Variants in DCAF17 observed in about 807,000 individuals in gnomAD.
DCAF17 encodes DDB1 and CUL4 associated factor 17.
A neutral mutation model predicts 66.0 loss-of-function variants in DCAF17; 48 were observed. That is an observed-to-expected ratio of 0.73 (90% confidence interval 0.58 to 0.92). The LOEUF is 0.92. DCAF17 is among the 40% of genes least tolerant of loss of function. The pLI is 0.00. For missense variants in DCAF17, 562 were observed against 622.8 expected (o/e 0.90, Z 1.04); for synonymous variants, 206 against 214.6 (o/e 0.96, Z 0.35).
rs374256774 is a variant in DCAF17 at position 171,453,230 on chromosome 2, T to C, written c.627+17T>C. The C allele has an allele frequency of 3.2e-6, 5 of 1,540,244 alleles. No homozygotes were observed. Among genetic ancestry groups the C allele is most frequent in the Non-Finnish European group, 4.5e-6 (5 of 1,116,878 alleles). On this transcript the variant is annotated intron_variant, in intron 6 of 13. Transcript: ENST00000375255. Reference sequence around the variant, plus strand: ...AACAAAAAGGTAAGAACTCATTTCTTATTTAATTGCAATATTTTATTGACA... The same window carrying C: ...AACAAAAAGGTAAGAACTCATTTCTCATTTAATTGCAATATTTTATTGACA...
chr2:171,454,345 C>CGCAATCTCTGCCCACT (rs1559270101), intron 6 of DCAF17, among the ~76,000 whole-genome samples: 2 of 150,414 alleles, frequency 1.3e-5, no homozygotes, highest in African/African-American at 4.9e-5. Context: ...AGTGCAGTGG[C>CGCAATCTCTGCCCACT]GCAATCTCTG....
rs376303254 is a variant in DCAF17 at position 171,452,380 on chromosome 2, C to T, written c.538-744C>T. 3.4e-4 allele frequency among the ~76,000 whole-genome samples: 51 copies of T among 152,070 alleles called. 1 individual carries two copies. The East Asian group carries it at 4.7e-3, about 14-fold the overall frequency. ...AAGTAAGGAGGCTATCCTTTTCAAG[C>T]AGAAGAGTCACTCAAGCTTTCATTG... is the stretch of plus-strand genomic sequence containing the variant. On this transcript the variant is annotated intron_variant, in intron 5 of 13. Transcript: ENST00000375255.
chr2:171,484,226 C>G lies in DCAF17; in HGVS notation c.*3112C>G, dbSNP rs17221367. Reference sequence around the variant, plus strand: ...TTCTTACCATGTTTACTTATATCATCCATCTTTTAGAATCCCAGGGAGCTA... The same window carrying G: ...TTCTTACCATGTTTACTTATATCATGCATCTTTTAGAATCCCAGGGAGCTA... On this transcript the variant is annotated 3_prime_UTR_variant, in exon 14 of 14. Coordinates refer to ENST00000375255, the MANE Select transcript of DCAF17 (RefSeq NM_025000.4). The G allele has an allele frequency of 0.22, 97,971 of 449,012 alleles. 11,475 individuals are homozygous for G. The highest frequency in any genetic ancestry group is 0.31 in the Admixed American group (12,945 of 41,252). The allele number at this position is 449,012 out of a possible 1,614,324, so 27.8% of individuals were successfully genotyped here.
chr2:171,459,277 A>T (rs1695441893), intron 8 of DCAF17, among the ~76,000 whole-genome samples: 1 of 152,090 alleles, frequency 6.6e-6, no homozygotes, highest in African/African-American at 2.4e-5. Flanking sequence ...ATGCCATTGC[A>T]CTCCAGCCTG....
chr2:171,460,304 T>A (rs1695504961), intron 8 of DCAF17, among the ~76,000 whole-genome samples: 1 of 145,160 alleles, frequency 6.9e-6, no homozygotes, highest in African/African-American at 2.6e-5. Flanking sequence ...GCCTGGGCGA[T>A]TGAGCGAGAT....
At chr2:171,442,437 A>G (rs763459534) in intron 2 of DCAF17, among the ~76,000 whole-genome samples, 12 of 151,806 alleles carry the variant, frequency 7.9e-5, no homozygotes, top group Non-Finnish European at 1.0e-4. Flanking sequence ...GGTAGCATGC[A>G]CCTGTAATCC....
intron 11 of DCAF17, among the ~76,000 whole-genome samples, chr2:171,477,538 A>G (rs949327942): frequency 6.6e-6 from 1 of 152,154 alleles, no homozygotes; most frequent in Non-Finnish European, 1.5e-5. Flanking sequence ...TCACACCTGT[A>G]ATCTCAGCAC....
intron 10 of DCAF17, 23 bp downstream of exon 10, chr2:171,473,998 G>A: frequency 6.3e-7 from 1 of 1,586,016 alleles, no homozygotes; most frequent in East Asian, 2.2e-5. Flanking sequence ...ATTAGCACTT[G>A]AAAGTTAAGA....
chr2:171,437,029 C>G (rs1221652477), intron 2 of DCAF17, among the ~76,000 whole-genome samples: 1 of 152,038 alleles, frequency 6.6e-6, no homozygotes, highest in East Asian at 1.9e-4. Flanking sequence ...CCACCTCGGC[C>G]TCCCAAAGTG....
At position 171,482,556 on chromosome 2, in the gene DCAF17, A is replaced by G. The variant is rs1166538745; in HGVS notation, c.*1442A>G. The G allele has an allele frequency of 1.3e-5, 6 of 453,966 alleles. No individual in the cohort carries two copies. The highest frequency in any genetic ancestry group is 2.2e-5 in the Non-Finnish European group (5 of 226,784). 28.1% of individuals were successfully genotyped at this position (453,966 alleles called of 1,614,324 possible). A position where few individuals can be genotyped will look rare whatever the true frequency, so the allele number is the denominator to read the frequency against. On this transcript the variant is annotated 3_prime_UTR_variant, in exon 14 of 14. Coordinates refer to ENST00000375255, the MANE Select transcript of DCAF17 (RefSeq NM_025000.4). ...GTGAAAGTACTAAAGAAAGAAACCAATGTTGTGTGAGTTTCAAAGCAGCTG... is the reference window on the plus strand; with the variant it reads ...GTGAAAGTACTAAAGAAAGAAACCAGTGTTGTGTGAGTTTCAAAGCAGCTG...
At chr2:171,478,253 G>A (rs928844376) in intron 12 of DCAF17, among the ~76,000 whole-genome samples, 183 bp downstream of exon 12, 3 of 152,146 alleles carry the variant, frequency 2.0e-5, no homozygotes, top group African/African-American at 7.2e-5. Context: ...TTTTCATATT[G>A]TAATTATTCT....
intron 8 of DCAF17, among the ~76,000 whole-genome samples, chr2:171,460,275 A>T (rs9679537): frequency 0.2 from 29,873 of 149,252 alleles, 3,129 homozygotes; most frequent in South Asian, 0.28. Context: ...GTGAGCCGAG[A>T]TCGTGCCACT....
intron 3 of DCAF17, among the ~76,000 whole-genome samples, chr2:171,447,143 G>T (rs1574335935): frequency 6.6e-6 from 1 of 150,522 alleles, no homozygotes; most frequent in Non-Finnish European, 1.5e-5. Context: ...TTTTTGTATT[G>T]TTTTAGTATT....
At chr2:171,459,937 G>GTTTAAATTTTAAGTTTAAAATTT (rs1413313504) in intron 8 of DCAF17, among the ~76,000 whole-genome samples, 11 of 152,158 alleles carry the variant, frequency 7.2e-5, no homozygotes, top group Non-Finnish European at 1.2e-4. Flanking sequence ...TTTTAAAACT[G>GTTTAAATTTTAAGTTTAAAATTT]TAGGCTGCAG....
chr2:171,461,762 A>T (rs980757189), intron 8 of DCAF17, among the ~76,000 whole-genome samples: 1 of 152,250 alleles, frequency 6.6e-6, no homozygotes, highest in African/African-American at 2.4e-5. Context: ...GTCAAGATTT[A>T]GAATCTTTTC....
chr2:171,480,151 AACTTT>A lies in DCAF17; in HGVS notation c.1385_1389del (p.Leu462Ter). The stretch of plus-strand genomic sequence containing the variant: ...TGGATTTCCACTGTAATGAATATGG[AACTTT>A]ACTTAAAAGCATTCCACTAGTGGAG... On this transcript the variant is annotated frameshift_variant, in exon 13 of 14. Transcript: ENST00000375255. LOFTEE classifies it high-confidence loss of function. 22 of 1,613,758 alleles carry A rather than the reference AACTTT, an allele frequency of 1.4e-5. No individual in the cohort carries two copies. The highest frequency in any genetic ancestry group is 1.8e-5 in the Non-Finnish European group (21 of 1,179,764).
rs559176507 is a variant in DCAF17, at chr2:171,481,256, T to C, written c.*142T>C. On this transcript the variant is annotated 3_prime_UTR_variant, in exon 14 of 14. Transcript: ENST00000375255. ...GTTGACTTCAGATGACTATGACTTC[T>C]TTTTTAAACTCTTGCTGTAAAAGAT... is the stretch of plus-strand genomic sequence containing the variant. 90 of 985,658 alleles carry C rather than the reference T, an allele frequency of 9.1e-5. No individual in the cohort carries two copies. The South Asian group carries it at 9.3e-4, about 10-fold the overall frequency. 61.1% of individuals were successfully genotyped at this position (985,658 alleles called of 1,614,324 possible).
chr2:171,458,921 T>TA (rs1695416811), intron 8 of DCAF17, among the ~76,000 whole-genome samples: 1 of 152,180 alleles, frequency 6.6e-6, no homozygotes, highest in Non-Finnish European at 1.5e-5. Context: ...CCAGTATACT[T>TA]AAAGAGTGCC....
chr2:171,464,152 C>T (rs965205179), intron 8 of DCAF17, among the ~76,000 whole-genome samples: 1 of 152,144 alleles, frequency 6.6e-6, no homozygotes, highest in Non-Finnish European at 1.5e-5. Flanking sequence ...CCAGGCTTAC[C>T]TTTAACTTTC....
Sources: gnomAD v4.1 joint callset for allele counts (sites outside exome capture counted in the v4.1 genomes callset) on GRCh38, gnomAD v4.1.1 for gene constraint, MANE v1.5 for transcripts, NCBI Gene and HGNC (gene_info 2026-07-23, HGNC 2026-07-21) for gene names.